RAB27B: variants seen among roughly 807,000 people sequenced by gnomAD.
RAB27B encodes ras-related protein Rab-27B.
A neutral mutation model predicts 24.6 loss-of-function variants in RAB27B; 15 were observed. That is an observed-to-expected ratio of 0.61 (90% CI 0.41 to 0.94). RAB27B has a LOEUF of 0.94. Among genes scored for constraint, RAB27B ranks in the 40% least tolerant of loss-of-function variants. RAB27B has a pLI of 0.00. For synonymous variants in RAB27B, 105 were observed against 92.5 expected (o/e 1.14, Z -0.78); for missense variants, 261 against 266.8 (o/e 0.98, Z 0.15).
intron 1 of RAB27B, among the ~76,000 whole-genome samples, chr18:54,845,087 G>A (rs1319122474): frequency 6.6e-6 from 1 of 152,056 alleles, no homozygotes; most frequent in Admixed American, 6.6e-5. Flanking sequence ...CACATGGCCT[G>A]ATGTATTTGT....
At chr18:54,775,457 T>C (rs1461957857) in intron 2 of RAB27B, among the ~76,000 whole-genome samples, 1 of 152,214 alleles carries the variant, frequency 6.6e-6, no homozygotes, top group Non-Finnish European at 1.5e-5. Context: ...GCCTGCTGCC[T>C]CAGGCTACAA....
At chr18:54,770,075 C>T (rs977001953) in intron 2 of RAB27B, among the ~76,000 whole-genome samples, 1 of 151,996 alleles carries the variant, frequency 6.6e-6, no homozygotes, top group Non-Finnish European at 1.5e-5. Context: ...AAACTCCCAA[C>T]CTTAAGTGAT....
intron 2 of RAB27B, among the ~76,000 whole-genome samples, chr18:54,783,559 A>G (rs1364165626): frequency 6.6e-6 from 1 of 151,672 alleles, no homozygotes; most frequent in East Asian, 1.9e-4. Flanking sequence ...TCTTGTTGTC[A>G]TGTCAGTCTC....
At chr18:54,835,684 T>A (rs1288067208) in intron 1 of RAB27B, among the ~76,000 whole-genome samples, 1 of 152,000 alleles carries the variant, frequency 6.6e-6, no homozygotes, top group Non-Finnish European at 1.5e-5. Context: ...TTCTTTAATC[T>A]TCAGTTGGAA....
chr18:54,732,853 C>T (rs1326143698), intron 2 of RAB27B, among the ~76,000 whole-genome samples: 1 of 152,144 alleles, frequency 6.6e-6, no homozygotes, highest in Non-Finnish European at 1.5e-5. Flanking sequence ...AAATCTGGGA[C>T]TTTTAATCAA....
intron 1 of RAB27B, among the ~76,000 whole-genome samples, chr18:54,844,880 T>A (rs1911267130): frequency 6.6e-6 from 1 of 152,134 alleles, no homozygotes; most frequent in Non-Finnish European, 1.5e-5. Flanking sequence ...TATGTGTGGG[T>A]GTTGCTGTGA....
At chr18:54,759,003 C>G (rs1162496944) in intron 2 of RAB27B, among the ~76,000 whole-genome samples, 1 of 152,160 alleles carries the variant, frequency 6.6e-6, no homozygotes, top group Non-Finnish European at 1.5e-5. Context: ...TATATTCTTA[C>G]AAGAAGTAAA....
intron 2 of RAB27B, among the ~76,000 whole-genome samples, chr18:54,721,783 A>T (rs1472404767): frequency 6.6e-6 from 1 of 152,196 alleles, no homozygotes; most frequent in East Asian, 1.9e-4. Context: ...TTAAAAGAGG[A>T]TACTGTGATA....
At chr18:54,766,296 G>C (rs142909295) in intron 2 of RAB27B, among the ~76,000 whole-genome samples, 1 of 152,158 alleles carries the variant, frequency 6.6e-6, no homozygotes, top group African/African-American at 2.4e-5. Context: ...TGAAAGGACA[G>C]TCATGGCCCT....
intron 2 of RAB27B, among the ~76,000 whole-genome samples, chr18:54,821,910 G>A (rs1378026610): frequency 6.6e-6 from 1 of 152,080 alleles, no homozygotes; most frequent in Non-Finnish European, 1.5e-5. Flanking sequence ...TGGCCCCCAT[G>A]CCTGGCTAAT....
chr18:54,850,412 C>A (rs898219188), intron 1 of RAB27B, among the ~76,000 whole-genome samples: 2 of 145,348 alleles, frequency 1.4e-5, no homozygotes, highest in Non-Finnish European at 3.0e-5. Context: ...CACTCTGTCA[C>A]CCAGCCTGGA....
At chr18:54,811,937 T>C (rs1233272777) in intron 2 of RAB27B, among the ~76,000 whole-genome samples, 1 of 152,222 alleles carries the variant, frequency 6.6e-6, no homozygotes, top group African/African-American at 2.4e-5. Context: ...ATCCATCCAA[T>C]ACTTTTTTAC....
At chr18:54,845,539 A>C (rs1911301818) in intron 1 of RAB27B, among the ~76,000 whole-genome samples, 5 of 151,980 alleles carry the variant, frequency 3.3e-5, no homozygotes, top group African/African-American at 1.2e-4. Flanking sequence ...GAAATAAGTT[A>C]ATACCGTCTC....
intron 2 of RAB27B, among the ~76,000 whole-genome samples, chr18:54,722,980 T>A (rs997852829): frequency 3.9e-5 from 6 of 152,206 alleles, no homozygotes; most frequent in East Asian, 1.9e-4. Flanking sequence ...AATTTTTTTT[T>A]AAATGGAAAA....
intron 2 of RAB27B, among the ~76,000 whole-genome samples, chr18:54,808,860 T>TA (rs1435903279): frequency 6.6e-6 from 1 of 152,168 alleles, no homozygotes; most frequent in Non-Finnish European, 1.5e-5. Flanking sequence ...CTAGCTGTGC[T>TA]AAAAAATGAG....
intron 1 of RAB27B, among the ~76,000 whole-genome samples, chr18:54,867,442 CT>C (rs548288719): frequency 6.6e-4 from 65 of 98,798 alleles, no homozygotes; most frequent in Middle Eastern, 8.3e-3. Context: ...CTTTTCTTTT[CT>C]TTTTTTTTTT....
At chr18:54,879,733 C>G (rs1196256262) in intron 3 of RAB27B, 3 of 295,318 alleles carry the variant, frequency 1.0e-5, no homozygotes, top group African/African-American at 2.1e-5. Context: ...AAAAAAGGTT[C>G]TCCAGAATTT....
intron 2 of RAB27B, among the ~76,000 whole-genome samples, chr18:54,784,808 T>A (rs895950774): frequency 6.6e-6 from 1 of 152,220 alleles, no homozygotes; most frequent in African/African-American, 2.4e-5. Flanking sequence ...TAGAGTGATT[T>A]ATTTTCCTTT....
rs555708179 is a variant in RAB27B, at chr18:54,773,179, A to G, written c.-20+55038A>G. On this transcript the variant is annotated intron_variant, in intron 2 of 4. Transcript: ENST00000586570. Reference sequence around the variant, plus strand: ...TTGAAATTTCATTTTCTAAAGCACTAAAGGAAATAAATGTTTTTAGAGTCA... The same window carrying G: ...TTGAAATTTCATTTTCTAAAGCACTGAAGGAAATAAATGTTTTTAGAGTCA... Among the ~76,000 whole-genome samples the G allele has an allele frequency of 3.9e-5, 6 of 152,328 alleles. No individual in the cohort carries two copies. The East Asian group carries it at 7.7e-4, about 20-fold the overall frequency.
Sources: allele counts gnomAD v4.1 joint callset (sites outside exome capture counted in the v4.1 genomes callset), GRCh38; gene constraint gnomAD v4.1.1; transcripts MANE v1.5; gene names NCBI Gene and HGNC (gene_info 2026-07-23, HGNC 2026-07-21).